The following SCML4 variants were observed in gnomAD, a reference collection of about 807,000 sequenced individuals.
SCML4 encodes the protein sex comb on midleg-like protein 4.
Under a neutral mutation model 41.1 loss-of-function variants are expected in SCML4, and 34 were observed. The ratio of observed to expected loss-of-function variants is 0.83; its 90% CI spans 0.63 to 1.10. The LOEUF is 1.10. SCML4 is among the 50% of genes least tolerant of loss of function. SCML4 has a pLI of 0.00. For missense variants in SCML4, 522 were observed against 534.1 expected, an observed-to-expected ratio of 0.98 and a Z score of 0.22; for synonymous variants, 214 against 220.9, an observed-to-expected ratio of 0.97 and a Z score of 0.28.
At chr6:107,778,075 G>A (rs1338562688) in intron 1 of SCML4, among the ~76,000 whole-genome samples, 1 of 150,164 alleles carries the variant, frequency 6.7e-6, no homozygotes, top group Non-Finnish European at 1.5e-5. Flanking sequence ...AATTAGCCAG[G>A]CATGATAGCA....
At chr6:107,814,867 T>C (rs997136249) in intron 1 of SCML4, among the ~76,000 whole-genome samples, 7 of 152,110 alleles carry the variant, frequency 4.6e-5, no homozygotes, top group African/African-American at 1.7e-4. Context: ...AAAGGTGCTT[T>C]CTAAAATACC....
the SCML4 span, among the ~76,000 whole-genome samples, chr6:107,840,875 C>T: frequency 1.3e-5 from 2 of 152,162 alleles, no homozygotes; most frequent in Non-Finnish European, 2.9e-5. Context: ...GACCCCTCAT[C>T]TACCATGCAT....
intron 1 of SCML4, among the ~76,000 whole-genome samples, chr6:107,787,993 T>C (rs1192871035): frequency 6.6e-6 from 1 of 152,170 alleles, no homozygotes; most frequent in Non-Finnish European, 1.5e-5. Context: ...CTAAGAAAGA[T>C]ACCACCTCGG....
intron 1 of SCML4, among the ~76,000 whole-genome samples, chr6:107,812,689 T>C (rs1158719681): frequency 6.6e-6 from 1 of 152,122 alleles, no homozygotes; most frequent in African/African-American, 2.4e-5. Flanking sequence ...AGCAGGGACA[T>C]TTTCTTTTCT....
chr6:107,755,721 A>T (rs1330556780), intron 2 of SCML4: 1 of 799,820 alleles, frequency 1.3e-6, no homozygotes, highest in East Asian at 6.6e-5. Flanking sequence ...AATAAAACAC[A>T]GTTCTGATAT....
At position 107,731,665 on chromosome 6, in the gene SCML4, A is replaced by T. The variant is rs553736047; in HGVS notation, c.683-10672T>A. Among the ~76,000 whole-genome samples, 149 of 152,316 alleles carry T rather than the reference A, an allele frequency of 9.8e-4. No homozygotes were observed. In the Middle Eastern group the frequency reaches 0.01, roughly 10 times the overall value. On this transcript the variant is annotated intron_variant, in intron 5 of 7. Transcript: ENST00000369020. ...GCCGACCCCCACACCCTGCCCAGGC[A>T]ATGGTCAGTGTCCTGTGGCCTCCGT...
intron 5 of SCML4, among the ~76,000 whole-genome samples, chr6:107,736,064 T>G (rs1777037849): frequency 6.6e-6 from 1 of 151,990 alleles, no homozygotes. Context: ...TTTGTAGAAA[T>G]GAGGAAGTTC....
At chr6:107,805,241 AT>A (rs1393843115) in intron 1 of SCML4, among the ~76,000 whole-genome samples, 1 of 152,078 alleles carries the variant, frequency 6.6e-6, no homozygotes, top group Non-Finnish European at 1.5e-5. Context: ...AATGTTCTCT[AT>A]TTGGCCCTTT....
chr6:107,786,565 G>A (rs548259518), intron 1 of SCML4, among the ~76,000 whole-genome samples: 1 of 152,176 alleles, frequency 6.6e-6, no homozygotes, highest in Non-Finnish European at 1.5e-5. Flanking sequence ...GTTCTAATAT[G>A]CTTGAGCTCC....
intron 5 of SCML4, among the ~76,000 whole-genome samples, chr6:107,723,700 C>T (rs193052953): frequency 5.3e-5 from 8 of 152,268 alleles, no homozygotes; most frequent in African/African-American, 1.4e-4. Context: ...AATAACTTCA[C>T]GGTTGAATTC....
At chr6:107,761,853 C>G (rs1317693225) in intron 2 of SCML4, among the ~76,000 whole-genome samples, 1 of 148,690 alleles carries the variant, frequency 6.7e-6, no homozygotes, top group Non-Finnish European at 1.5e-5. Flanking sequence ...TACTTCTAAA[C>G]AACAAAAACT....
intron 6 of SCML4, among the ~76,000 whole-genome samples, chr6:107,712,133 C>G (rs1774283390): frequency 6.6e-6 from 1 of 152,188 alleles, no homozygotes; most frequent in Non-Finnish European, 1.5e-5. Flanking sequence ...CATCTGCACT[C>G]AACATGGGGA....
At chr6:107,708,086 C>G in intron 6 of SCML4, 75 bp from the exon 7 acceptor site, 1 of 1,492,884 alleles carries the variant, frequency 6.7e-7, no homozygotes, top group South Asian at 1.3e-5. Context: ...TGCCTGCCCC[C>G]ACCTAGCCTG....
intron 5 of SCML4, among the ~76,000 whole-genome samples, chr6:107,726,794 C>T (rs1307199311): frequency 2.6e-5 from 4 of 152,082 alleles, no homozygotes; most frequent in African/African-American, 9.7e-5. Context: ...AACCCCCACA[C>T]CCTGCTGGTA....
intron 5 of SCML4, among the ~76,000 whole-genome samples, chr6:107,741,874 T>A (rs1777623651): frequency 6.6e-6 from 1 of 152,162 alleles, no homozygotes; most frequent in Non-Finnish European, 1.5e-5. Flanking sequence ...TGCAAAGACA[T>A]AGACACATCC....
At chr6:107,717,083 A>G (rs1392389512) in intron 6 of SCML4, among the ~76,000 whole-genome samples, 1 of 145,400 alleles carries the variant, frequency 6.9e-6, no homozygotes, top group Admixed American at 7.1e-5. Flanking sequence ...GCAGATCACG[A>G]GGTCAGGAGA....
chr6:107,778,794 C>T (rs1781242303), intron 1 of SCML4, among the ~76,000 whole-genome samples: 1 of 152,214 alleles, frequency 6.6e-6, no homozygotes, highest in East Asian at 1.9e-4. Flanking sequence ...CATGTATTTA[C>T]TCATTCATTT....
chr6:107,703,778 C>T lies in SCML4; in HGVS notation c.*1422G>A, dbSNP rs1773367368. On this transcript the variant is annotated 3_prime_UTR_variant, in exon 8 of 8. Coordinates refer to ENST00000369020, the MANE Select transcript of SCML4 (RefSeq NM_198081.5). ...GCCCTGAGTCATCCCTAACCCTCTCCCTCCCAGAAATTCCAAAATCTAATG... is the reference window on the plus strand; with the variant it reads ...GCCCTGAGTCATCCCTAACCCTCTCTCTCCCAGAAATTCCAAAATCTAATG... Among the ~76,000 whole-genome samples, 1 of 152,216 alleles carries T rather than the reference C, an allele frequency of 6.6e-6. No homozygotes were observed. Among genetic ancestry groups the T allele is most frequent in the African/African-American group, 2.4e-5 (1 of 41,458 alleles).
chr6:107,763,821 T>G (rs764075085), intron 2 of SCML4, among the ~76,000 whole-genome samples: 13 of 152,190 alleles, frequency 8.5e-5, no homozygotes, highest in Non-Finnish European at 1.6e-4. Context: ...ACCTTGATCT[T>G]GGACTTTAAA....
Sources: gnomAD v4.1 joint callset for allele counts (sites outside exome capture counted in the v4.1 genomes callset) on GRCh38, gnomAD v4.1.1 for gene constraint, MANE v1.5 for transcripts, NCBI Gene and HGNC (gene_info 2026-07-23, HGNC 2026-07-21) for gene names.